GABPB1: variants seen among roughly 807,000 people sequenced by gnomAD.
The protein encoded by GABPB1 is GA binding protein transcription factor subunit beta 1.
A neutral mutation model predicts 45.9 loss-of-function variants in GABPB1; 15 were observed. The observed-to-expected ratio is 0.33, with a 90% CI of 0.22 to 0.50. The LOEUF is 0.50. Among genes scored for constraint, GABPB1 ranks in the 20% least tolerant of loss-of-function variants. The probability of loss-of-function intolerance (pLI) is 0.98; values close to 1 mark genes in which losing one functional copy is unlikely to be tolerated. For missense variants in GABPB1, 252 were observed against 457.5 expected, an observed-to-expected ratio of 0.55 and a Z score of 4.10; for synonymous variants, 143 against 154.4, an observed-to-expected ratio of 0.93 and a Z score of 0.55.
chr15:50,320,732 G>A (rs1177569827), intron 1 of GABPB1, among the ~76,000 whole-genome samples: 1 of 152,168 alleles, frequency 6.6e-6, no homozygotes, highest in South Asian at 2.1e-4. Flanking sequence ...AGGGAGACAG[G>A]AGGATCAGAA....
At chr15:50,283,357 A>T (rs913699454) in intron 8 of GABPB1, among the ~76,000 whole-genome samples, 30 of 152,126 alleles carry the variant, frequency 2.0e-4, no homozygotes, top group African/African-American at 7.0e-4. Context: ...CCCTCCAAAA[A>T]AAAAAACCTA....
chr15:50,350,359 G>T (rs2048773961), intron 1 of GABPB1: 1 of 145,056 alleles, frequency 6.9e-6, no homozygotes, highest in Admixed American at 7.1e-5. Flanking sequence ...CAACAATACT[G>T]CATCTAGTAT....
intron 1 of GABPB1, among the ~76,000 whole-genome samples, chr15:50,347,907 T>A (rs1180534358): frequency 2.6e-5 from 4 of 151,876 alleles, no homozygotes; most frequent in Non-Finnish European, 5.9e-5. Flanking sequence ...AATACAAAAA[T>A]TAGCTGGGCA....
chr15:50,321,173 A>G (rs956646015), intron 1 of GABPB1, among the ~76,000 whole-genome samples: 1 of 152,202 alleles, frequency 6.6e-6, no homozygotes, highest in Non-Finnish European at 1.5e-5. Flanking sequence ...GCATTGTTCT[A>G]GAAATTATGG....
intron 7 of GABPB1, among the ~76,000 whole-genome samples, chr15:50,287,352 T>A (rs1258227968): frequency 6.6e-6 from 1 of 152,206 alleles, no homozygotes; most frequent in Admixed American, 6.5e-5. Context: ...GTATTTGTTA[T>A]GGGCTGAATG....
At chr15:50,350,568 A>T (rs886397537) in intron 1 of GABPB1, 5 of 151,680 alleles carry the variant, frequency 3.3e-5, no homozygotes, top group Non-Finnish European at 1.5e-5. Context: ...AACTATTATC[A>T]AGTTAACCAG....
chr15:50,352,788 T>G (rs1330123806), intron 1 of GABPB1: 2 of 152,248 alleles, frequency 1.3e-5, no homozygotes, highest in Non-Finnish European at 2.9e-5. Flanking sequence ...AGATTCAGAC[T>G]ACAGTTCACA....
At chr15:50,309,198 T>C (rs2047046944) in intron 2 of GABPB1, among the ~76,000 whole-genome samples, 1 of 152,136 alleles carries the variant, frequency 6.6e-6, no homozygotes, top group Admixed American at 6.6e-5. Flanking sequence ...TTTTTTGCCT[T>C]CCCCACAACT....
chr15:50,312,349 T>C (rs1199867453), intron 1 of GABPB1, among the ~76,000 whole-genome samples: 1 of 152,246 alleles, frequency 6.6e-6, no homozygotes, highest in Non-Finnish European at 1.5e-5. Flanking sequence ...ATTTTCATCC[T>C]TGAATTTCTG....
intron 1 of GABPB1, among the ~76,000 whole-genome samples, chr15:50,328,882 G>A (rs1441067414): frequency 3.3e-5 from 5 of 152,178 alleles, no homozygotes; most frequent in Non-Finnish European, 7.3e-5. Flanking sequence ...TCAAAAGGCA[G>A]TTCAAATATA....
chr15:50,303,315 G>A (rs1405395646), intron 3 of GABPB1, among the ~76,000 whole-genome samples, 192 bp from the exon 4 acceptor site: 6 of 152,002 alleles, frequency 3.9e-5, no homozygotes, highest in African/African-American at 1.2e-4. Flanking sequence ...TTGGGAGGCC[G>A]AGGCGGTTGG....
At chr15:50,280,331 G>A (rs560486481) in intron 8 of GABPB1, among the ~76,000 whole-genome samples, 119 of 152,224 alleles carry the variant, frequency 7.8e-4, no homozygotes, top group Non-Finnish European at 8.8e-5. Flanking sequence ...CCAGTACCCT[G>A]GCTACAAACT....
intron 1 of GABPB1, chr15:50,350,950 C>T (rs1324379616): frequency 1.3e-5 from 2 of 152,166 alleles, no homozygotes; most frequent in African/African-American, 4.8e-5. Context: ...GGTCAAACAT[C>T]CCATTTTTTC....
At chr15:50,293,007 A>G (rs2046402954) in intron 6 of GABPB1, among the ~76,000 whole-genome samples, 1 of 152,098 alleles carries the variant, frequency 6.6e-6, no homozygotes, top group Non-Finnish European at 1.5e-5. Context: ...AAAAAATTAT[A>G]ACTAGTTCAA....
intron 4 of GABPB1, among the ~76,000 whole-genome samples, chr15:50,302,111 T>C (rs796454023): frequency 3.9e-5 from 6 of 152,320 alleles, no homozygotes; most frequent in African/African-American, 9.6e-5. Context: ...ATTTATATTA[T>C]GTCATCTGGC....
At chr15:50,353,382 G>GT (rs1406000643) in intron 1 of GABPB1, 4 of 151,732 alleles carry the variant, frequency 2.6e-5, no homozygotes, top group East Asian at 1.9e-4. Context: ...ACACATTTCT[G>GT]TTTTTTGGTT....
chr15:50,289,454 C>T, intron 7 of GABPB1, 29 bp downstream of exon 7: 1 of 1,368,676 alleles, frequency 7.3e-7, no homozygotes, highest in South Asian at 1.5e-5. Flanking sequence ...AAAAAACATA[C>T]AAACTTTATA....
chr15:50,320,885 T>C (rs2047547617), intron 1 of GABPB1, among the ~76,000 whole-genome samples: 1 of 152,170 alleles, frequency 6.6e-6, no homozygotes, highest in Admixed American at 6.6e-5. Context: ...AATGCATGCC[T>C]TCTTTAGAAG....
intron 1 of GABPB1, among the ~76,000 whole-genome samples, chr15:50,345,654 T>C (rs2048541752): frequency 6.6e-6 from 1 of 152,142 alleles, no homozygotes. Context: ...GAAAGAACAG[T>C]AGCAGCAGTT....
Sources: gnomAD v4.1 joint callset for allele counts (sites outside exome capture counted in the v4.1 genomes callset) on GRCh38, gnomAD v4.1.1 for gene constraint, MANE v1.5 for transcripts, NCBI Gene and HGNC (gene_info 2026-07-23, HGNC 2026-07-21) for gene names.